REXO5: variants seen among roughly 807,000 people sequenced by gnomAD.
REXO5 encodes exonuclease NEF-sp.
In REXO5, 48 loss-of-function variants were observed where a neutral mutation model predicts 88.5. The ratio of observed to expected loss-of-function variants is 0.54; its 90% confidence interval spans 0.43 to 0.69. The LOEUF is 0.69. Among genes scored for constraint, REXO5 ranks in the 30% least tolerant of loss-of-function variants. The pLI, the probability that REXO5 is intolerant of heterozygous loss-of-function variation, is 0.00. For missense variants in REXO5, 749 were observed against 912.2 expected, an observed-to-expected ratio of 0.82 and a Z score of 2.30; for synonymous variants, 311 against 336.5, an observed-to-expected ratio of 0.92 and a Z score of 0.83.
intron 13 of REXO5, among the ~76,000 whole-genome samples, chr16:20,835,252 T>C (rs898951012): frequency 7.2e-5 from 11 of 152,032 alleles, no homozygotes; most frequent in Admixed American, 2.0e-4. Context: ...CATTCCAAAG[T>C]GCTGGGATTA....
intron 5 of REXO5, among the ~76,000 whole-genome samples, chr16:20,820,225 G>A (rs112429309): frequency 6.6e-6 from 1 of 152,008 alleles, no homozygotes; most frequent in African/African-American, 2.4e-5. Context: ...CTCTTGCACA[G>A]ACCTTTCTTT....
Position 20,832,990 on chromosome 16 carries a change from T to C in REXO5, c.1263-13T>C. 6.2e-7 allele frequency: 1 copy of C among 1,608,318 alleles called. No homozygotes were observed. Among genetic ancestry groups the C allele is most frequent in the Middle Eastern group, 1.9e-4 (1 of 5,374 alleles). On this transcript the variant is annotated splice_polypyrimidine_tract_variant and intron_variant, in intron 12 of 19. Transcript: ENST00000261377. ...ACTGTTGTTCTTACCTTAACTCTTC[T>C]ACTTCTTTATAGTGTTTTAGAATGC...
intron 2 of REXO5, among the ~76,000 whole-genome samples, chr16:20,810,253 T>C (rs888995936): frequency 5.9e-5 from 9 of 152,230 alleles, no homozygotes; most frequent in Admixed American, 1.3e-4. Flanking sequence ...AAATCCATCG[T>C]AAATTGAAAA....
At chr16:20,808,008 C>T (rs895594275) in intron 2 of REXO5, among the ~76,000 whole-genome samples, 5 of 152,132 alleles carry the variant, frequency 3.3e-5, no homozygotes, top group Non-Finnish European at 7.3e-5. Flanking sequence ...CCCTGAGCTC[C>T]ACCTAGGCAT....
rs2081662836 is a variant in REXO5 at position 20,849,632 on chromosome 16, TAA to T, written c.*153_*154del. 1.6e-6 allele frequency: 1 copy of T among 643,300 alleles called. No homozygotes were observed. The allele number at this position is 643,300 out of a possible 1,614,324, so 39.8% of individuals were successfully genotyped here. The stretch of plus-strand genomic sequence containing the variant: ...GTTTAGTTTGTTTATATGGCATGTA[TAA>T]GTTTTCAATAAATGCCTAAAGTTCA... On this transcript the variant is annotated 3_prime_UTR_variant, in exon 20 of 20. Transcript: ENST00000261377.
At chr16:20,844,452 C>G (rs2081576394) in intron 16 of REXO5, among the ~76,000 whole-genome samples, 177 bp from the exon 17 acceptor site, 1 of 152,176 alleles carries the variant, frequency 6.6e-6, no homozygotes, top group African/African-American at 2.4e-5. Context: ...AATTAAGTCT[C>G]TAACATAATT....
At chr16:20,840,122 A>G (rs1334078032) in intron 14 of REXO5, 3 of 532,358 alleles carry the variant, frequency 5.6e-6, no homozygotes, top group African/African-American at 3.8e-5. Context: ...TTTAATGGCT[A>G]CATAGTATTC....
In REXO5 at chr16:20,824,470, C is replaced by A; in HGVS notation, c.648C>A (p.Thr216=). The part of the protein sequence containing the change: ...GFPDCENFLL[T]KCNGSIADNS... The stretch of plus-strand genomic sequence containing the variant: ...CTGATTGTGAAAACTTTTTACTTAC[C>A]AAATGTAATGGTTCTATAGCAGACA... Residue 216 remains threonine, a synonymous_variant, in exon 7 of 20, where the codon ACC becomes ACA. Coordinates refer to ENST00000261377, the MANE Select transcript of REXO5 (RefSeq NM_030941.3). 6.2e-7 allele frequency: 1 copy of A among 1,610,584 alleles called. No homozygotes were observed.
intron 16 of REXO5, 39 bp downstream of exon 16, chr16:20,844,065 G>C: frequency 8.5e-7 from 1 of 1,180,672 alleles, no homozygotes; most frequent in East Asian, 2.3e-5. Context: ...CTTGGGTCTG[G>C]CCTACCACAG....
chr16:20,816,658 T>A (rs952214021), intron 5 of REXO5, among the ~76,000 whole-genome samples: 3 of 152,116 alleles, frequency 2.0e-5, no homozygotes, highest in Non-Finnish European at 4.4e-5. Context: ...ACAGTTTTTT[T>A]AAGGAAAAAT....
intron 6 of REXO5, 51 bp from the exon 7 acceptor site, chr16:20,824,388 T>A: frequency 5.0e-6 from 5 of 1,002,346 alleles, no homozygotes; most frequent in Non-Finnish European, 7.9e-6. Flanking sequence ...CTAAGAGTGA[T>A]GTTTACCATC....
At chr16:20,819,347 GC>G (rs1815281539) in intron 5 of REXO5, among the ~76,000 whole-genome samples, 1 of 151,382 alleles carries the variant, frequency 6.6e-6, no homozygotes, top group South Asian at 2.1e-4. Context: ...GCCCTTTCTA[GC>G]CTCTTTCTAC....
At chr16:20,809,150 A>T (rs2080959253) in intron 2 of REXO5, among the ~76,000 whole-genome samples, 1 of 152,202 alleles carries the variant, frequency 6.6e-6, no homozygotes, top group Admixed American at 6.5e-5. Context: ...ATGTTGAAAC[A>T]ATCTCAAACT....
intron 5 of REXO5, among the ~76,000 whole-genome samples, chr16:20,818,539 G>A (rs965849075): frequency 2.6e-5 from 4 of 152,194 alleles, no homozygotes; most frequent in Admixed American, 6.5e-5. Flanking sequence ...GATGATCCCA[G>A]TTCACTGCAA....
At chr16:20,814,887 G>T in intron 3 of REXO5, 40 bp from the exon 4 acceptor site, 2 of 1,581,466 alleles carry the variant, frequency 1.3e-6, no homozygotes, top group South Asian at 2.4e-5. Flanking sequence ...ACTGACTTAA[G>T]GCCATCTGTC....
At position 20,849,407 on chromosome 16, in the gene REXO5, G is replaced by T; in HGVS notation, c.2252G>T (p.Gly751Val). 1.2e-6 allele frequency: 2 copies of T among 1,613,764 alleles called. No homozygotes were observed. The highest frequency in any genetic ancestry group is 1.7e-6 in the Non-Finnish European group (2 of 1,179,698). ...ILLPGTKSTH[G>V]SLSGLGLMGI... ...TTTCTTATTTATTGCAGCACTCATGGTTCACTCTCTGGTCTAGGACTGATG... is the reference window on the plus strand; with the variant it reads ...TTTCTTATTTATTGCAGCACTCATGTTTCACTCTCTGGTCTAGGACTGATG... Residue 751 changes from glycine (G) to valine (V), a missense_variant, in exon 20 of 20, where the codon GGT becomes GTT. Coordinates refer to ENST00000261377, the MANE Select transcript of REXO5 (RefSeq NM_030941.3).
chr16:20,818,515 C>T (rs904752411), intron 5 of REXO5, among the ~76,000 whole-genome samples: 1 of 152,192 alleles, frequency 6.6e-6, no homozygotes, highest in African/African-American at 2.4e-5. Flanking sequence ...GTCGCTGAGG[C>T]TGGAGTGCAG....
Position 20,806,789 on chromosome 16 carries a change from C to T in REXO5, c.-3+84C>T, listed in dbSNP as rs2080885574. ...GGAACGGGGAGATCGTTGGCACCTT[C>T]GCTTTTTTAGGGGAACGGGGATAGT... On this transcript the variant is annotated intron_variant, in intron 1 of 19. Coordinates refer to ENST00000261377, the MANE Select transcript of REXO5 (RefSeq NM_030941.3). The T allele has an allele frequency of 3.3e-6, 4 of 1,218,550 alleles. No homozygotes were observed. In the South Asian group the frequency reaches 4.8e-5, roughly 15 times the overall value. 75.5% of individuals were successfully genotyped at this position (1,218,550 alleles called of 1,614,324 possible). A position where few individuals can be genotyped will look rare whatever the true frequency, so the allele number is the denominator to read the frequency against.
In REXO5 at chr16:20,821,914, C is replaced by T; in HGVS notation, c.616+12C>T. Reference sequence around the variant, plus strand: ...CTTTCCATTACAAGGTTGGCTTAGGCTTACTCTGATATTGCTAACAATGTA... The same window carrying T: ...CTTTCCATTACAAGGTTGGCTTAGGTTTACTCTGATATTGCTAACAATGTA... On this transcript the variant is annotated intron_variant, in intron 6 of 19. Transcript: ENST00000261377. The T allele has an allele frequency of 2.6e-6, 4 of 1,551,946 alleles. No homozygotes were observed. The highest frequency in any genetic ancestry group is 3.5e-6 in the Non-Finnish European group (4 of 1,155,568).
Sources: gnomAD v4.1 joint callset for allele counts (sites outside exome capture counted in the v4.1 genomes callset) on GRCh38, gnomAD v4.1.1 for gene constraint, MANE v1.5 for transcripts, NCBI Gene and HGNC (gene_info 2026-07-23, HGNC 2026-07-21) for gene names.